ACBD6: variants seen among roughly 807,000 people sequenced by gnomAD.
ACBD6 encodes acyl-CoA-binding domain-containing protein 6.
In ACBD6, 28 loss-of-function variants were observed where a neutral mutation model predicts 37.2. That is an observed-to-expected ratio of 0.75 (90% CI 0.56 to 1.03). The LOEUF (loss-of-function observed/expected upper bound fraction) is 1.03, where lower values mean the gene tolerates loss of function less well. Among genes scored for constraint, ACBD6 ranks in the 50% least tolerant of loss-of-function variants. ACBD6 has a pLI of 0.00. For synonymous variants in ACBD6, 113 were observed against 126.8 expected, an observed-to-expected ratio of 0.89 and a Z score of 0.73; for missense variants, 340 against 337.4, an observed-to-expected ratio of 1.01 and a Z score of -0.06.
chr1:180,414,579 T>C (rs1025833586), intron 4 of ACBD6, among the ~76,000 whole-genome samples: 1 of 152,208 alleles, frequency 6.6e-6, no homozygotes, highest in Non-Finnish European at 1.5e-5. Context: ...TGGACAAGAA[T>C]TTGTTGATAA....
chr1:180,294,850 T>C (rs1278596185), intron 7 of ACBD6, among the ~76,000 whole-genome samples: 1 of 152,004 alleles, frequency 6.6e-6, no homozygotes, highest in African/African-American at 2.4e-5. Flanking sequence ...CTCAAACAAC[T>C]ATGCCTGGCA....
intron 6 of ACBD6, among the ~76,000 whole-genome samples, chr1:180,368,498 T>C (rs1478082173): frequency 6.6e-6 from 1 of 152,130 alleles, no homozygotes; most frequent in Non-Finnish European, 1.5e-5. Flanking sequence ...TCCAGGGTTA[T>C]AATAGTTTTG....
intron 3 of ACBD6, among the ~76,000 whole-genome samples, chr1:180,467,756 C>A (rs1650407483): frequency 6.6e-6 from 1 of 152,148 alleles, no homozygotes; most frequent in African/African-American, 2.4e-5. Context: ...CCATATCATT[C>A]TTTTTATTGC....
At chr1:180,495,978 C>T (rs1281505678) in intron 1 of ACBD6, among the ~76,000 whole-genome samples, 1 of 152,062 alleles carries the variant, frequency 6.6e-6, no homozygotes, top group African/African-American at 2.4e-5. Flanking sequence ...TTTAACTCTC[C>T]AAAATTCCAG....
At chr1:180,427,904 G>A (rs1648652103) in intron 4 of ACBD6, among the ~76,000 whole-genome samples, 2 of 139,116 alleles carry the variant, frequency 1.4e-5, no homozygotes, top group Admixed American at 7.6e-5. Flanking sequence ...TGGTGACAGA[G>A]CAAGACTCTG....
chr1:180,392,752 T>C (rs569722181), intron 6 of ACBD6, among the ~76,000 whole-genome samples: 2 of 148,996 alleles, frequency 1.3e-5, no homozygotes, highest in East Asian at 4.1e-4. Context: ...TATTTATTGC[T>C]TTATACTTTT....
intron 4 of ACBD6, among the ~76,000 whole-genome samples, chr1:180,415,087 AAAAAAC>A (rs1045110685): frequency 3.3e-5 from 5 of 151,634 alleles, no homozygotes; most frequent in East Asian, 1.9e-4. Flanking sequence ...AAAAAAATAA[AAAAAAC>A]AAAAACAAAA....
intron 10 of ACBD6, chr1:180,274,418 TTG>T: frequency 6.2e-7 from 1 of 1,614,190 alleles, no homozygotes; most frequent in Non-Finnish European, 8.5e-7. Context: ...GGACAGTAAT[TTG>T]GGCATCATTG....
intron 7 of ACBD6, among the ~76,000 whole-genome samples, chr1:180,309,604 G>A (rs1478702759): frequency 6.6e-6 from 1 of 152,174 alleles, no homozygotes; most frequent in Non-Finnish European, 1.5e-5. Flanking sequence ...GGGCATGTGG[G>A]TGCACTGGCA....
chr1:180,382,125 A>AAAAAG (rs1422982461), intron 6 of ACBD6, among the ~76,000 whole-genome samples: 1 of 151,354 alleles, frequency 6.6e-6, no homozygotes, highest in Admixed American at 6.6e-5. Context: ...AAAAAAAAAA[A>AAAAAG]AAAAGAAAAG....
intron 7 of ACBD6, among the ~76,000 whole-genome samples, chr1:180,294,285 C>T (rs568448145): frequency 1.3e-5 from 2 of 152,010 alleles, no homozygotes; most frequent in Admixed American, 6.5e-5. Flanking sequence ...GTAATCCTAG[C>T]AGTAGCATTT....
chr1:180,502,428 C>T lies in ACBD6; in HGVS notation c.-162G>A, dbSNP rs368127897. 10 of 746,286 alleles carry T rather than the reference C, an allele frequency of 1.3e-5. No individual in the cohort carries two copies. Among genetic ancestry groups the T allele is most frequent in the East Asian group, 8.0e-5 (3 of 37,274 alleles). The allele number at this position is 746,286 out of a possible 1,614,324, so 46.2% of individuals were successfully genotyped here. A position where few individuals can be genotyped will look rare whatever the true frequency, so the allele number is the denominator to read the frequency against. ...CTCCCTCACGTGACCCTGCTCCCTG[C>T]CCACTTCTACTCCCTGGGCGTGCAG... On this transcript the variant is annotated 5_prime_UTR_variant, in exon 1 of 8. Transcript: ENST00000367595.
chr1:180,440,206 T>G (rs1037456227), intron 3 of ACBD6, among the ~76,000 whole-genome samples: 2 of 152,136 alleles, frequency 1.3e-5, no homozygotes, highest in African/African-American at 4.8e-5. Flanking sequence ...CCTCCTGGGT[T>G]CAAGTGATTC....
chr1:180,280,001 A>G (rs765538692), intron 9 of ACBD6, among the ~76,000 whole-genome samples: 1 of 152,228 alleles, frequency 6.6e-6, no homozygotes, highest in Non-Finnish European at 1.5e-5. Flanking sequence ...ACACATGGCT[A>G]TTTAAATTTA....
intron 6 of ACBD6, among the ~76,000 whole-genome samples, chr1:180,329,205 A>G (rs780932104): frequency 2.7e-4 from 41 of 152,240 alleles, no homozygotes; most frequent in South Asian, 4.1e-4. Context: ...ATGATTGAAC[A>G]AAAACATCAT....
intron 3 of ACBD6, among the ~76,000 whole-genome samples, chr1:180,433,173 C>T (rs936940548): frequency 5.3e-5 from 8 of 152,044 alleles, no homozygotes; most frequent in South Asian, 2.1e-4. Context: ...TTTAACATTA[C>T]GTTAAAAGGA....
intron 3 of ACBD6, among the ~76,000 whole-genome samples, chr1:180,487,122 G>T (rs1246418823): frequency 6.6e-6 from 1 of 152,092 alleles, no homozygotes; most frequent in African/African-American, 2.4e-5. Context: ...ATCAGCATTT[G>T]AAGAATAATT....
intron 3 of ACBD6, among the ~76,000 whole-genome samples, chr1:180,447,488 C>G (rs1053726229): frequency 2.6e-5 from 4 of 152,080 alleles, no homozygotes; most frequent in African/African-American, 9.7e-5. Flanking sequence ...GATTTCTTGG[C>G]TTTTGTCAAT....
intron 6 of ACBD6, among the ~76,000 whole-genome samples, chr1:180,376,369 A>T (rs1249451238): frequency 6.6e-6 from 1 of 152,214 alleles, no homozygotes; most frequent in East Asian, 1.9e-4. Flanking sequence ...ATGAAAATAC[A>T]TATGTACAAG....
Sources: allele counts gnomAD v4.1 joint callset (sites outside exome capture counted in the v4.1 genomes callset), GRCh38; gene constraint gnomAD v4.1.1; transcripts MANE v1.5; gene names NCBI Gene and HGNC (gene_info 2026-07-23, HGNC 2026-07-21).